Variants in RAPGEF5 observed in about 807,000 individuals in gnomAD.
RAPGEF5 encodes M-Ras-regulated GEF.
In RAPGEF5, 65 loss-of-function variants were observed where a neutral mutation model predicts 125.2. The ratio of observed to expected loss-of-function variants is 0.52; its 90% CI spans 0.43 to 0.64. The LOEUF is 0.64. Among genes scored for constraint, RAPGEF5 ranks in the 30% least tolerant of loss-of-function variants. The pLI, the probability that RAPGEF5 is intolerant of heterozygous loss-of-function variation, is 0.00. For synonymous variants in RAPGEF5, 391 were observed against 385.9 expected (o/e 1.01, Z -0.16); for missense variants, 958 against 1,048.1 (o/e 0.91, Z 1.19).
chr7:22,225,478 T>C (rs954877566), intron 8 of RAPGEF5, among the ~76,000 whole-genome samples: 1 of 152,248 alleles, frequency 6.6e-6, no homozygotes, highest in East Asian at 1.9e-4. Flanking sequence ...GAATGCTTCT[T>C]CATTCACTGG....
chr7:22,225,718 C>T (rs1355854760), intron 8 of RAPGEF5, among the ~76,000 whole-genome samples: 1 of 152,068 alleles, frequency 6.6e-6, no homozygotes, highest in African/African-American at 2.4e-5. Context: ...TATTTAATTT[C>T]TCTGTGTAAA....
chr7:22,347,080 C>T (rs984609959), intron 1 of RAPGEF5, among the ~76,000 whole-genome samples: 6 of 152,022 alleles, frequency 3.9e-5, no homozygotes, highest in African/African-American at 1.4e-4. Context: ...TGTAAGAAAA[C>T]TGATAATTAT....
At chr7:22,174,393 A>C (rs1483217890) in intron 11 of RAPGEF5, among the ~76,000 whole-genome samples, 1 of 152,166 alleles carries the variant, frequency 6.6e-6, no homozygotes, top group Non-Finnish European at 1.5e-5. Context: ...CTGTGAGTTG[A>C]CAAAATTTAA....
At chr7:22,233,811 T>G (rs1384150717) in intron 7 of RAPGEF5, among the ~76,000 whole-genome samples, 1 of 152,206 alleles carries the variant, frequency 6.6e-6, no homozygotes, top group African/African-American at 2.4e-5. Flanking sequence ...CTGTATTTAT[T>G]TCTAGCTTAT....
chr7:22,163,332 C>T (rs1015652101), intron 12 of RAPGEF5, among the ~76,000 whole-genome samples: 8 of 152,184 alleles, frequency 5.3e-5, no homozygotes, highest in Non-Finnish European at 7.3e-5. Context: ...ATGCATTTAA[C>T]GGACTATTCA....
chr7:22,258,120 C>A (rs1384120646), intron 7 of RAPGEF5, among the ~76,000 whole-genome samples: 2 of 152,036 alleles, frequency 1.3e-5, no homozygotes, highest in South Asian at 2.1e-4. Flanking sequence ...ATCGAAAATT[C>A]TCATACAACA....
intron 24 of RAPGEF5, among the ~76,000 whole-genome samples, chr7:22,127,126 C>G (rs1782773550): frequency 6.7e-6 from 1 of 149,266 alleles, no homozygotes; most frequent in Non-Finnish European, 1.5e-5. Flanking sequence ...GCACCCTCTA[C>G]TCCCCAGGTT....
At chr7:22,148,760 C>A (rs1302908362) in intron 18 of RAPGEF5, among the ~76,000 whole-genome samples, 1 of 152,146 alleles carries the variant, frequency 6.6e-6, no homozygotes, top group East Asian at 1.9e-4. Context: ...CGTGGGGATG[C>A]ACAGGAGGGA....
intron 11 of RAPGEF5, chr7:22,191,547 G>T: frequency 2.1e-6 from 1 of 470,978 alleles, no homozygotes; most frequent in Non-Finnish European, 4.4e-6. Flanking sequence ...CCCCACTTAG[G>T]TTGGTGCTAG....
intron 5 of RAPGEF5, among the ~76,000 whole-genome samples, chr7:22,298,401 AC>A (rs1261343094): frequency 2.0e-5 from 3 of 151,794 alleles, no homozygotes; most frequent in African/African-American, 7.3e-5. Context: ...CTGGTCTCAA[AC>A]TTCTGTCCTC....
At chr7:22,169,653 G>C (rs1054905502) in intron 11 of RAPGEF5, among the ~76,000 whole-genome samples, 1 of 147,744 alleles carries the variant, frequency 6.8e-6, no homozygotes, top group African/African-American at 2.5e-5. Context: ...CCAGGAGCTA[G>C]AGACCAGCCT....
chr7:22,151,126 A>C (rs1404778371), intron 17 of RAPGEF5, among the ~76,000 whole-genome samples: 1 of 152,130 alleles, frequency 6.6e-6, no homozygotes, highest in Non-Finnish European at 1.5e-5. Flanking sequence ...TTTTTTGGTC[A>C]TATAAATTAG....
intron 7 of RAPGEF5, among the ~76,000 whole-genome samples, chr7:22,266,066 T>C (rs1367553003): frequency 6.6e-6 from 1 of 152,150 alleles, no homozygotes; most frequent in Non-Finnish European, 1.5e-5. Context: ...GTTCAAATAG[T>C]AACTGAGAAA....
In RAPGEF5 at chr7:22,154,730, C is replaced by T. The variant is rs141447056; in HGVS notation, c.1637-126G>A. On this transcript the variant is annotated intron_variant, in intron 16 of 25. Coordinates refer to ENST00000665637, the MANE Select transcript of RAPGEF5 (RefSeq NM_012294.5). ...CACCTGGCTATTCTCTTCAGTATAACACATACAGAGTTAGATTTTTTATAT... is the reference window on the plus strand; with the variant it reads ...CACCTGGCTATTCTCTTCAGTATAATACATACAGAGTTAGATTTTTTATAT... 1,099 of 995,118 alleles carry T rather than the reference C, an allele frequency of 1.1e-3. 8 individuals carry two copies. In the Middle Eastern group the frequency reaches 0.018, roughly 16 times the overall value. 61.6% of individuals were successfully genotyped at this position (995,118 alleles called of 1,614,324 possible).
Position 22,193,396 on chromosome 7 carries a change from T to C in RAPGEF5, c.1175A>G (p.His392Arg). ...KILEHLLNDLHLEEVQDKETE... is the reference protein window; with the variant it reads ...KILEHLLNDLRLEEVQDKETE... Reference sequence around the variant, plus strand: ...TTCTTTGTCCTGGACTTCTTCCAGGTGCAAGTCATTCAAAAGGTGCTCCAA... The same window carrying C: ...TTCTTTGTCCTGGACTTCTTCCAGGCGCAAGTCATTCAAAAGGTGCTCCAA... The change falls in exon 11 of 26, where the codon CAC (histidine) becomes CGC (arginine). Residue 392 changes from histidine to arginine, a missense_variant. His to Arg is a conservative substitution (Grantham distance 29). Coordinates refer to ENST00000665637, the MANE Select transcript of RAPGEF5 (RefSeq NM_012294.5). 1 of 1,595,156 alleles carries C rather than the reference T, an allele frequency of 6.3e-7. No homozygotes were observed. The highest frequency in any genetic ancestry group is 8.5e-7 in the Non-Finnish European group (1 of 1,170,178).
chr7:22,280,262 A>G (rs1315793907), intron 6 of RAPGEF5, among the ~76,000 whole-genome samples: 2 of 152,242 alleles, frequency 1.3e-5, no homozygotes, highest in Non-Finnish European at 2.9e-5. Flanking sequence ...GTAGCAGTCA[A>G]GAAAGACCTT....
rs536614508 is a variant in RAPGEF5, at chr7:22,223,673, G to A, written c.871-3682C>T. On this transcript the variant is annotated intron_variant, in intron 8 of 25. Coordinates refer to ENST00000665637, the MANE Select transcript of RAPGEF5 (RefSeq NM_012294.5). Reference sequence around the variant, plus strand: ...AAGATCTACTCTCAGGAAGAAATATGAATCTAAATATTTCATCCAGTGAAA... The same window carrying A: ...AAGATCTACTCTCAGGAAGAAATATAAATCTAAATATTTCATCCAGTGAAA... Among the ~76,000 whole-genome samples the A allele has an allele frequency of 4.6e-5, 7 of 152,228 alleles. No individual in the cohort carries two copies. In the South Asian group the frequency reaches 1.2e-3, roughly 27 times the overall value.
intron 1 of RAPGEF5, among the ~76,000 whole-genome samples, chr7:22,350,031 G>A (rs949859559): frequency 6.6e-6 from 1 of 152,178 alleles, no homozygotes; most frequent in African/African-American, 2.4e-5. Flanking sequence ...AACAAATTAA[G>A]TCATTGATTT....
At chr7:22,193,671 T>C in intron 10 of RAPGEF5, 1 of 1,550,704 alleles carries the variant, frequency 6.4e-7, no homozygotes, top group Non-Finnish European at 8.7e-7. Flanking sequence ...TTGTGAACGG[T>C]TACTAACAAA....
Sources: gnomAD v4.1 joint callset for allele counts (sites outside exome capture counted in the v4.1 genomes callset) on GRCh38, gnomAD v4.1.1 for gene constraint, MANE v1.5 for transcripts, NCBI Gene and HGNC (gene_info 2026-07-23, HGNC 2026-07-21) for gene names.